The following STK32A variants were observed in gnomAD, a reference collection of about 807,000 sequenced individuals.
STK32A encodes serine/threonine-protein kinase 32A.
A neutral mutation model predicts 53.2 loss-of-function variants in STK32A; 41 were observed. The ratio of observed to expected loss-of-function variants is 0.77; its 90% CI spans 0.60 to 1.00. The LOEUF (loss-of-function observed/expected upper bound fraction) is 1.00, where lower values mean the gene tolerates loss of function less well. Ranked by LOEUF, STK32A falls within the 50% of genes least tolerant of loss-of-function variation. The probability of loss-of-function intolerance (pLI) is 0.00; values close to 1 mark genes in which losing one functional copy is unlikely to be tolerated. For missense variants in STK32A, 458 were observed against 485.8 expected (o/e 0.94, Z 0.54); for synonymous variants, 166 against 162.8 (o/e 1.02, Z -0.15).
intron 2 of STK32A, among the ~76,000 whole-genome samples, chr5:147,263,634 G>C (rs1166564546): frequency 6.6e-6 from 1 of 152,034 alleles, no homozygotes. Flanking sequence ...AAAATCCAAA[G>C]AAGATTTAGA....
chr5:147,278,115 G>A lies in STK32A; in HGVS notation c.53-9G>A. On this transcript the variant is annotated splice_polypyrimidine_tract_variant and intron_variant, in intron 2 of 12. Coordinates refer to ENST00000397936, the MANE Select transcript of STK32A (RefSeq NM_001112724.2). ...ATTACTCATGATATTCTTCTTTTTTGTTTTACAGTCAACTTTGACCACTTT... is the reference window on the plus strand; with the variant it reads ...ATTACTCATGATATTCTTCTTTTTTATTTTACAGTCAACTTTGACCACTTT... The A allele has an allele frequency of 6.3e-7, 1 of 1,580,742 alleles. No homozygotes were observed. The highest frequency in any genetic ancestry group is 8.6e-7 in the Non-Finnish European group (1 of 1,162,056).
chr5:147,343,273 C>A, intron 6 of STK32A: 1 of 715,568 alleles, frequency 1.4e-6, no homozygotes, highest in Non-Finnish European at 2.6e-6. Context: ...AAATCATAGT[C>A]TACTCAATTT....
At chr5:147,286,273 G>A (rs557784365) in intron 4 of STK32A, among the ~76,000 whole-genome samples, 1 of 152,120 alleles carries the variant, frequency 6.6e-6, no homozygotes, top group African/African-American at 2.4e-5. Flanking sequence ...GAGACTTAGG[G>A]GGAAGAGTGG....
chr5:147,282,625 G>A (rs1453988342), intron 4 of STK32A, among the ~76,000 whole-genome samples: 1 of 152,026 alleles, frequency 6.6e-6, no homozygotes, highest in Non-Finnish European at 1.5e-5. Flanking sequence ...GACACCAAAA[G>A]CGAGGAGGGG....
chr5:147,332,360 T>A (rs964145644), intron 5 of STK32A, among the ~76,000 whole-genome samples: 1 of 152,034 alleles, frequency 6.6e-6, no homozygotes, highest in South Asian at 2.1e-4. Context: ...TTTTTTTTTT[T>A]TATACCACTT....
intron 4 of STK32A, among the ~76,000 whole-genome samples, chr5:147,304,850 A>T (rs906379184): frequency 6.6e-6 from 1 of 152,100 alleles, no homozygotes; most frequent in Non-Finnish European, 1.5e-5. Flanking sequence ...AAATATTGTG[A>T]CCTTGTCCCA....
intron 9 of STK32A, among the ~76,000 whole-genome samples, chr5:147,372,554 G>A (rs1007168470): frequency 7.2e-5 from 11 of 152,032 alleles, no homozygotes; most frequent in Non-Finnish European, 1.5e-4. Flanking sequence ...GCATTCTCAA[G>A]TGGGACTGAC....
intron 4 of STK32A, among the ~76,000 whole-genome samples, chr5:147,318,476 T>C (rs1281881477): frequency 1.3e-5 from 2 of 151,978 alleles, no homozygotes; most frequent in Non-Finnish European, 2.9e-5. Context: ...AATGAAATTA[T>C]AGGGCAACAA....
chr5:147,275,280 T>G (rs1056189098), intron 2 of STK32A, among the ~76,000 whole-genome samples: 38 of 152,212 alleles, frequency 2.5e-4, no homozygotes, highest in Middle Eastern at 3.4e-3. Context: ...ATTCTTTTGT[T>G]GAACATTTAA....
At chr5:147,359,923 G>A (rs1756417823) in intron 7 of STK32A, among the ~76,000 whole-genome samples, 1 of 152,134 alleles carries the variant, frequency 6.6e-6, no homozygotes, top group African/African-American at 2.4e-5. Context: ...GAGTGCACTG[G>A]GTAGGGAAAA....
intron 6 of STK32A, among the ~76,000 whole-genome samples, chr5:147,343,958 T>G (rs536798408): frequency 6.6e-6 from 1 of 152,380 alleles, no homozygotes; most frequent in African/African-American, 2.4e-5. Flanking sequence ...AATAAGCTTT[T>G]GCCCGTGATG....
At chr5:147,252,236 T>A (rs1414402253) in intron 2 of STK32A, among the ~76,000 whole-genome samples, 1 of 151,962 alleles carries the variant, frequency 6.6e-6, no homozygotes, top group African/African-American at 2.4e-5. Context: ...ACTTAATTAA[T>A]ATGATACCTT....
At chr5:147,259,920 G>T in intron 2 of STK32A, among the ~76,000 whole-genome samples, 5 of 85,862 alleles carry the variant, frequency 5.8e-5, no homozygotes, top group African/African-American at 1.3e-4. Flanking sequence ...CTCCCCTCTT[G>T]TCTCTCACTC....
chr5:147,319,196 G>A (rs1019760570), intron 4 of STK32A, among the ~76,000 whole-genome samples: 1 of 146,864 alleles, frequency 6.8e-6, no homozygotes, highest in African/African-American at 2.5e-5. Flanking sequence ...AGGCTGGAGT[G>A]CAGTGGCGTG....
intron 3 of STK32A, among the ~76,000 whole-genome samples, chr5:147,278,564 C>A (rs1432650): frequency 6.6e-6 from 1 of 151,924 alleles, no homozygotes; most frequent in Non-Finnish European, 1.5e-5. Flanking sequence ...AAAGAAGTCA[C>A]CCGATTTCTA....
chr5:147,348,449 T>G (rs141946303), intron 6 of STK32A, among the ~76,000 whole-genome samples: 2 of 152,116 alleles, frequency 1.3e-5, no homozygotes, highest in East Asian at 3.9e-4. Context: ...TATAATAGAG[T>G]TGAGGGGGGA....
intron 4 of STK32A, among the ~76,000 whole-genome samples, chr5:147,300,965 C>T (rs1287042784): frequency 6.6e-6 from 1 of 152,152 alleles, no homozygotes; most frequent in Non-Finnish European, 1.5e-5. Context: ...GAAAATTTCC[C>T]CTTCACCCTC....
At position 147,279,231 on chromosome 5, in the gene STK32A, G is replaced by A. The variant is rs749012134; in HGVS notation, c.109-16G>A. On this transcript the variant is annotated splice_polypyrimidine_tract_variant and intron_variant, in intron 3 of 12. Transcript: ENST00000397936. Reference sequence around the variant, plus strand: ...TATCTCCCTAATCACTCTCTCACTCGGGTTTTCACCATTAGGTCTGCATTG... The same window carrying A: ...TATCTCCCTAATCACTCTCTCACTCAGGTTTTCACCATTAGGTCTGCATTG... 1.1e-5 allele frequency: 18 copies of A among 1,597,114 alleles called. No homozygotes were observed. The highest frequency in any genetic ancestry group is 1.4e-5 in the Non-Finnish European group (16 of 1,168,330).
intron 3 of STK32A, 68 bp from the exon 4 acceptor site, chr5:147,279,179 G>A: frequency 1.4e-6 from 2 of 1,478,202 alleles, no homozygotes; most frequent in Admixed American, 1.9e-5. Context: ...AACATGTCTT[G>A]TTCTGTCTCT....
Sources: gnomAD v4.1 joint callset for allele counts (sites outside exome capture counted in the v4.1 genomes callset) on GRCh38, gnomAD v4.1.1 for gene constraint, MANE v1.5 for transcripts, NCBI Gene and HGNC (gene_info 2026-07-23, HGNC 2026-07-21) for gene names.